ANKH: variants seen among roughly 807,000 people sequenced by gnomAD.
ANKH encodes the protein ANKH inorganic pyrophosphate transport regulator, also known as mineralization regulator ANKH.
A neutral mutation model predicts 49.0 loss-of-function variants in ANKH; 15 were observed. The ratio of observed to expected loss-of-function variants is 0.31; its 90% confidence interval spans 0.20 to 0.47. The LOEUF is 0.47. ANKH is among the 20% of genes least tolerant of loss of function. ANKH has a pLI of 1.00. For missense variants in ANKH, 429 were observed against 652.0 expected, an observed-to-expected ratio of 0.66 and a Z score of 3.72; for synonymous variants, 273 against 260.0, an observed-to-expected ratio of 1.05 and a Z score of -0.48.
chr5:14,748,189 C>T (rs1458491809), intron 6 of ANKH, among the ~76,000 whole-genome samples: 1 of 152,136 alleles, frequency 6.6e-6, no homozygotes, highest in Non-Finnish European at 1.5e-5. Context: ...AGAACAAAAC[C>T]TGTGTGTTAC....
intron 1 of ANKH, among the ~76,000 whole-genome samples, chr5:14,809,642 G>A (rs1740819215): frequency 6.6e-6 from 1 of 152,212 alleles, no homozygotes; most frequent in African/African-American, 2.4e-5. Flanking sequence ...AACTGTTCAT[G>A]GGATGAAATG....
intron 1 of ANKH, among the ~76,000 whole-genome samples, chr5:14,803,103 T>C (rs539560705): frequency 1.3e-5 from 2 of 152,300 alleles, no homozygotes; most frequent in African/African-American, 4.8e-5. Flanking sequence ...CATGTAAGTA[T>C]ATTTTAGTTG....
Position 14,712,855 on chromosome 5 carries a change from C to T in ANKH, c.1365+19G>A, listed in dbSNP as rs748455436. ...AGGAGGATGCACCCGGGAGGAGGCT[C>T]CCGGCGCGGCTGTCTCACCTGCTTC... On this transcript the variant is annotated intron_variant, in intron 11 of 11. Coordinates refer to ENST00000284268, the MANE Select transcript of ANKH (RefSeq NM_054027.6). 20 of 1,584,964 alleles carry T rather than the reference C, an allele frequency of 1.3e-5. No individual in the cohort carries two copies. The highest frequency in any genetic ancestry group is 1.7e-4 in the Middle Eastern group (1 of 5,906).
Position 14,730,842 on chromosome 5 carries a change from C to T in ANKH, c.1011+10985G>A, listed in dbSNP as rs866976330. On this transcript the variant is annotated intron_variant, in intron 8 of 11. Coordinates refer to ENST00000284268, the MANE Select transcript of ANKH (RefSeq NM_054027.6). Reference sequence around the variant, plus strand: ...CTTCCAAGAAGAGGTGGCCAGAGCCCGGGTTCCACTGGGATGAGGGGCACT... The same window carrying T: ...CTTCCAAGAAGAGGTGGCCAGAGCCTGGGTTCCACTGGGATGAGGGGCACT... Among the ~76,000 whole-genome samples, 6 of 152,290 alleles carry T rather than the reference C, an allele frequency of 3.9e-5. No homozygotes were observed. In the East Asian group the frequency reaches 5.8e-4, roughly 15 times the overall value.
intron 8 of ANKH, among the ~76,000 whole-genome samples, chr5:14,736,952 T>C (rs1356875756): frequency 3.3e-5 from 5 of 152,190 alleles, no homozygotes; most frequent in East Asian, 3.8e-4. Context: ...CTCCCCAAAG[T>C]ACAGCAGAGC....
intron 1 of ANKH, among the ~76,000 whole-genome samples, chr5:14,832,202 T>C (rs952890089): frequency 5.3e-5 from 8 of 152,196 alleles, no homozygotes; most frequent in African/African-American, 1.9e-4. Flanking sequence ...TAAGCAGTTA[T>C]CTTTACAAAG....
chr5:14,713,608 C>A lies in ANKH; in HGVS notation c.1201G>T (p.Ala401Ser). The A allele has an allele frequency of 6.2e-7, 1 of 1,614,170 alleles. No individual in the cohort carries two copies. Among genetic ancestry groups the A allele is most frequent in the South Asian group, 1.1e-5 (1 of 91,078 alleles). ...LMTLKKTFVL[A>S]PSSVLRIIVL... ...ATGATCCGCAGCACAGAGCTGGGGG[C>A]AAGGACGAAGGTTTTCTTCAGTGTC... The change falls in exon 10 of 12, where the codon GCC becomes TCC. Residue 401 changes from alanine to serine, a missense_variant. Physicochemically the swap from Ala to Ser is moderately conservative, Grantham distance 99 (BLOSUM62 1). Transcript: ENST00000284268. The surrounding 1 kb of genome is among the most constrained non-coding windows in gnomAD (Gnocchi z 4.4).
At chr5:14,861,927 C>T (rs1317414706) in intron 1 of ANKH, among the ~76,000 whole-genome samples, 1 of 152,226 alleles carries the variant, frequency 6.6e-6, no homozygotes, top group East Asian at 1.9e-4. Flanking sequence ...CTTTCCTTCC[C>T]TGGATGGACT....
At chr5:14,750,946 G>C in intron 5 of ANKH, 123 bp downstream of exon 5, 2 of 1,219,890 alleles carry the variant, frequency 1.6e-6, no homozygotes, top group South Asian at 2.5e-5. Context: ...TTGGCCTCTG[G>C]GTATGACATC....
intron 1 of ANKH, among the ~76,000 whole-genome samples, chr5:14,794,589 C>A (rs534511088): frequency 1.5e-4 from 23 of 152,354 alleles, no homozygotes; most frequent in Non-Finnish European, 3.4e-4. Flanking sequence ...TTACTAACTG[C>A]TCTAATTTGG....
At chr5:14,786,255 C>T (rs1475027021) in intron 1 of ANKH, among the ~76,000 whole-genome samples, 1 of 152,050 alleles carries the variant, frequency 6.6e-6, no homozygotes, top group Non-Finnish European at 1.5e-5. Flanking sequence ...AAGAAAACCA[C>T]AGCATTTTAT....
At chr5:14,752,891 C>A (rs1042006983) in intron 4 of ANKH, among the ~76,000 whole-genome samples, 3 of 152,080 alleles carry the variant, frequency 2.0e-5, no homozygotes, top group African/African-American at 7.2e-5. Context: ...TGAGTAGAAG[C>A]CACCCTCCCA....
In ANKH at chr5:14,728,595, G is replaced by A. The variant is rs539879972; in HGVS notation, c.1012-11760C>T. 7.2e-5 allele frequency among the ~76,000 whole-genome samples: 11 copies of A among 152,264 alleles called. 1 individual carries two copies. The South Asian group carries it at 2.1e-3, about 29-fold the overall frequency. On this transcript the variant is annotated intron_variant, in intron 8 of 11. Coordinates refer to ENST00000284268, the MANE Select transcript of ANKH (RefSeq NM_054027.6). Reference sequence around the variant, plus strand: ...CAGGCCGTCTTTGTTCCAGACAAAGGGTCAGCATGGTGCCACCGCTGGAAT... The same window carrying A: ...CAGGCCGTCTTTGTTCCAGACAAAGAGTCAGCATGGTGCCACCGCTGGAAT...
At chr5:14,755,647 C>A (rs1279958768) in intron 4 of ANKH, among the ~76,000 whole-genome samples, 1 of 152,198 alleles carries the variant, frequency 6.6e-6, no homozygotes, top group African/African-American at 2.4e-5. Flanking sequence ...AACCCATATT[C>A]TAGCAAGATT....
chr5:14,756,849 A>G (rs1029057955), intron 3 of ANKH, among the ~76,000 whole-genome samples: 1 of 152,208 alleles, frequency 6.6e-6, no homozygotes, highest in Non-Finnish European at 1.5e-5. Context: ...TTTCATTTTT[A>G]TAAGCCATCT....
At chr5:14,731,469 C>T (rs1738000431) in intron 8 of ANKH, among the ~76,000 whole-genome samples, 1 of 152,092 alleles carries the variant, frequency 6.6e-6, no homozygotes, top group African/African-American at 2.4e-5. Context: ...CCGGGGGTAC[C>T]TTCCAAACCC....
At chr5:14,807,628 G>A (rs13164197) in intron 1 of ANKH, among the ~76,000 whole-genome samples, 4,251 of 152,270 alleles carry the variant, frequency 0.028, 119 homozygotes, top group Admixed American at 0.069. Context: ...ATCTCTGAGA[G>A]GCAGACACTG....
At chr5:14,743,609 G>A (rs1184975326) in intron 7 of ANKH, among the ~76,000 whole-genome samples, 1 of 152,204 alleles carries the variant, frequency 6.6e-6, no homozygotes, top group Admixed American at 6.5e-5. Flanking sequence ...CTCTGATTCT[G>A]GAGCCCACAA....
At chr5:14,853,481 G>A (rs1742171781) in intron 1 of ANKH, among the ~76,000 whole-genome samples, 1 of 152,186 alleles carries the variant, frequency 6.6e-6, no homozygotes, top group East Asian at 1.9e-4. Context: ...GGTGGCTGAG[G>A]TGAGAGGATC....
Sources: allele counts gnomAD v4.1 joint callset (sites outside exome capture counted in the v4.1 genomes callset), GRCh38; gene constraint gnomAD v4.1.1; non-coding constraint Gnocchi (gnomAD v3.1); transcripts MANE v1.5; gene names NCBI Gene and HGNC (gene_info 2026-07-23, HGNC 2026-07-21).